HBP1: variants seen among roughly 807,000 people sequenced by gnomAD.
The protein encoded by HBP1 is HMG-box transcription factor 1.
Under a neutral mutation model 62.6 loss-of-function variants are expected in HBP1, and 20 were observed. The observed-to-expected ratio is 0.32, with a 90% CI of 0.22 to 0.46. The LOEUF (loss-of-function observed/expected upper bound fraction) is 0.46. Ranked by LOEUF, HBP1 falls within the 20% of genes least tolerant of loss-of-function variation. The probability of loss-of-function intolerance (pLI) is 1.00; values close to 1 mark genes in which losing one functional copy is unlikely to be tolerated. For missense variants in HBP1, 480 were observed against 611.8 expected (o/e 0.78, Z 2.27); for synonymous variants, 232 against 206.2 (o/e 1.12, Z -1.07).
At chr7:107,183,513 C>A (rs1375176350) in intron 3 of HBP1, among the ~76,000 whole-genome samples, 2 of 152,124 alleles carry the variant, frequency 1.3e-5, no homozygotes, top group African/African-American at 4.8e-5. Flanking sequence ...TTCATTTCCA[C>A]AGGAAAGAAA....
rs1797387414 is a variant in HBP1 at position 107,186,630 on chromosome 7, T to C, written c.714T>C (p.Ala238=). 2 of 1,613,456 alleles carry C rather than the reference T, an allele frequency of 1.2e-6. No individual in the cohort carries two copies. The highest frequency in any genetic ancestry group is 1.7e-6 in the Non-Finnish European group (2 of 1,179,472). The stretch of plus-strand genomic sequence containing the variant: ...AATGGCAAGATGTTGAAGATTTTGC[T>C]AGAGCTGAAGGCTGTGATAATGAGG... ...NKEWQDVEDF[A]RAEGCDNEED... is the part of the protein sequence containing the mutation. Residue 238 remains alanine, a synonymous_variant, in exon 6 of 11, where the codon GCT becomes GCC. Transcript: ENST00000222574.
chr7:107,169,036 G>A lies in HBP1; in HGVS notation c.-165G>A. On this transcript the variant is annotated 5_prime_UTR_variant, in exon 1 of 11. Coordinates refer to ENST00000222574, the MANE Select transcript of HBP1 (RefSeq NM_012257.4). ...TAATGGCGACGGGTTTGGTAAGTAG[G>A]AAAGTTTCGGTTGAGGAGTAAGAGC... The A allele has an allele frequency of 1.6e-6, 2 of 1,289,070 alleles. No homozygotes were observed. Among genetic ancestry groups the A allele is most frequent in the Non-Finnish European group, 1.0e-6 (1 of 988,550 alleles). 79.9% of individuals were successfully genotyped at this position (1,289,070 alleles called of 1,614,324 possible). A position where few individuals can be genotyped will look rare whatever the true frequency, so the allele number is the denominator to read the frequency against.
rs1459483310 is a variant in HBP1 at position 107,169,070 on chromosome 7, G to A, written c.-131G>A. 6 of 1,288,238 alleles carry A rather than the reference G, an allele frequency of 4.7e-6. No individual in the cohort carries two copies. The highest frequency in any genetic ancestry group is 5.6e-5 in the East Asian group (1 of 17,912). 79.8% of individuals were successfully genotyped at this position (1,288,238 alleles called of 1,614,324 possible). On this transcript the variant is annotated 5_prime_UTR_variant, in exon 1 of 11. Transcript: ENST00000222574. ...GGTTGAGGAGTAAGAGCTGCCGCGG[G>A]AGCAGTAACCCGCGCGGGGGAGGCC...
chr7:107,202,344 C>T lies in HBP1; in HGVS notation c.*913C>T, dbSNP rs1230435797. 1 of 152,624 alleles carries T rather than the reference C, an allele frequency of 6.6e-6. No individual in the cohort carries two copies. The highest frequency in any genetic ancestry group is 1.5e-5 in the Non-Finnish European group (1 of 68,028). The allele number at this position is 152,624 out of a possible 1,614,324, so 9.5% of individuals were successfully genotyped here. A position where few individuals can be genotyped will look rare whatever the true frequency, so the allele number is the denominator to read the frequency against. ...AGCAAATACATTGGCAATACAGCTGCTTTTGCTCTGAGCTACAATCATGGC... is the reference window on the plus strand; with the variant it reads ...AGCAAATACATTGGCAATACAGCTGTTTTTGCTCTGAGCTACAATCATGGC... On this transcript the variant is annotated 3_prime_UTR_variant, in exon 11 of 11. Transcript: ENST00000222574.
At chr7:107,171,071 ATAT>A (rs1258947083) in intron 1 of HBP1, among the ~76,000 whole-genome samples, 5 of 84,308 alleles carry the variant, frequency 5.9e-5, no homozygotes, top group South Asian at 6.2e-4. Flanking sequence ...ATATATATAT[ATAT>A]TTTTTTTTTT....
intron 9 of HBP1, chr7:107,196,379 C>G (rs1282485346): frequency 2.0e-6 from 1 of 500,106 alleles, no homozygotes; most frequent in Non-Finnish European, 3.7e-6. Flanking sequence ...AGTGATTATC[C>G]TGCCTCAGCC....
intron 3 of HBP1, 110 bp from the exon 4 acceptor site, chr7:107,185,691 A>C (rs1562892142): frequency 1.3e-6 from 1 of 745,508 alleles, no homozygotes; most frequent in African/African-American, 1.7e-5. Context: ...TTTACCATAA[A>C]TGTGTTCAAT....
At chr7:107,197,772 G>A (rs993579640) in intron 9 of HBP1, among the ~76,000 whole-genome samples, 1 of 152,210 alleles carries the variant, frequency 6.6e-6, no homozygotes, top group Non-Finnish European at 1.5e-5. Context: ...CATTTCTTCA[G>A]TAAAAAGAGT....
At chr7:107,200,462 G>C in intron 10 of HBP1, 161 bp downstream of exon 10, 2 of 470,176 alleles carry the variant, frequency 4.3e-6, no homozygotes, top group East Asian at 6.8e-5. Context: ...ATCATATAAA[G>C]ACTGCCTTTC....
chr7:107,191,925 T>C (rs1235955085), intron 8 of HBP1, among the ~76,000 whole-genome samples: 1 of 152,146 alleles, frequency 6.6e-6, no homozygotes, highest in Non-Finnish European at 1.5e-5. Flanking sequence ...TGTGACTTAT[T>C]ATGGCAAAAA....
intron 1 of HBP1, among the ~76,000 whole-genome samples, chr7:107,178,768 C>T (rs1796975133): frequency 6.6e-6 from 1 of 152,196 alleles, no homozygotes; most frequent in South Asian, 2.1e-4. Flanking sequence ...TGCGGTGGCT[C>T]ATGCCTGTAA....
chr7:107,179,329 G>T (rs1025725284), intron 1 of HBP1, among the ~76,000 whole-genome samples: 12 of 152,144 alleles, frequency 7.9e-5, no homozygotes, highest in African/African-American at 1.4e-4. Flanking sequence ...CAGCAGAAAA[G>T]ACTTTTTTTT....
chr7:107,179,592 C>T lies in HBP1; in HGVS notation c.-15-287C>T, dbSNP rs151135195. The T allele has an allele frequency of 4.1e-3, 714 of 176,022 alleles. 8 individuals are homozygous for T. The highest frequency in any genetic ancestry group is 0.016 in the African/African-American group (698 of 42,560). The allele number at this position is 176,022 out of a possible 1,614,324, so 10.9% of individuals were successfully genotyped here. A position where few individuals can be genotyped will look rare whatever the true frequency, so the allele number is the denominator to read the frequency against. On this transcript the variant is annotated intron_variant, in intron 1 of 10. Transcript: ENST00000222574. ...TTCAAGACCAGCCTGGCCAACATGA[C>T]GAAACCCCATCTCTACTAAAAATAC...
chr7:107,177,787 C>T (rs1176597795), intron 1 of HBP1, among the ~76,000 whole-genome samples: 4 of 152,066 alleles, frequency 2.6e-5, no homozygotes, highest in Non-Finnish European at 4.4e-5. Context: ...GATTGTAATA[C>T]ATCAAAATGT....
At chr7:107,187,315 A>G (rs1432058081) in intron 6 of HBP1, among the ~76,000 whole-genome samples, 1 of 152,200 alleles carries the variant, frequency 6.6e-6, no homozygotes, top group Non-Finnish European at 1.5e-5. Context: ...GCCTTAGGTA[A>G]TCTACAAAGT....
At chr7:107,200,914 T>C (rs1350942433) in intron 10 of HBP1, 1 of 152,826 alleles carries the variant, frequency 6.5e-6, no homozygotes, top group East Asian at 1.9e-4. Flanking sequence ...TTTAGATTAA[T>C]TGCAAAAAAA....
intron 6 of HBP1, 74 bp from the exon 7 acceptor site, chr7:107,189,218 T>TA (rs1487150017): frequency 7.8e-7 from 1 of 1,273,932 alleles, no homozygotes; most frequent in Non-Finnish European, 1.1e-6. Context: ...CACAAAGTCT[T>TA]ACATGTAATG....
Position 107,186,410 on chromosome 7 carries a change from A to G in HBP1, c.590A>G (p.Asp197Gly). 1 of 1,612,594 alleles carries G rather than the reference A, an allele frequency of 6.2e-7. No homozygotes were observed. The highest frequency in any genetic ancestry group is 8.5e-7 in the Non-Finnish European group (1 of 1,178,698). ...ATTTTCTGCATGTCCTCCCTGTCAG[A>G]TGATGATGATTTGGGATGGTGCAAT... Reference protein sequence around the residue: ...SGIFCMSSLSDDDDLGWCNSW... With the variant: ...SGIFCMSSLSGDDDLGWCNSW... The change falls in exon 5 of 11, where the codon GAT becomes GGT. Residue 197 changes from aspartate to glycine, a missense_variant. This residue lies in a region of HBP1 where 304 missense variants were observed against 330.9 expected (regional missense o/e 0.92). Transcript: ENST00000222574.
At chr7:107,172,089 T>C (rs183255705) in intron 1 of HBP1, among the ~76,000 whole-genome samples, 1 of 152,238 alleles carries the variant, frequency 6.6e-6, no homozygotes, top group Admixed American at 6.5e-5. Flanking sequence ...CAGCATTTAC[T>C]TTGGTGCTTC....
Sources: gnomAD v4.1 joint callset for allele counts (sites outside exome capture counted in the v4.1 genomes callset) on GRCh38, gnomAD v4.1.1 for gene constraint, gnomAD v4.1.1 regional missense constraint, MANE v1.5 for transcripts, NCBI Gene and HGNC (gene_info 2026-07-23, HGNC 2026-07-21) for gene names.